MYH11: variants seen among roughly 807,000 people sequenced by gnomAD.
The protein encoded by MYH11 is myosin heavy chain 11.
MYH11 carries 80 observed loss-of-function variants against 246.6 expected under a neutral mutation model. That is an observed-to-expected ratio of 0.32 (90% confidence interval 0.27 to 0.39). The LOEUF (loss-of-function observed/expected upper bound fraction) is 0.39. Among genes scored for constraint, MYH11 ranks in the 10% least tolerant of loss-of-function variants. MYH11 has a pLI of 1.00. For synonymous variants in MYH11, 1,071 were observed against 1,015.5 expected (o/e 1.05, Z -1.04); for missense variants, 2,158 against 2,546.8 (o/e 0.85, Z 3.29).
chr16:15,718,155 T>C (rs2151200683), intron 37 of MYH11, 160 bp downstream of exon 37: 5 of 1,116,218 alleles, frequency 4.5e-6, no homozygotes, highest in South Asian at 1.3e-5. Context: ...TGGGCACTGG[T>C]GTAAGGGCCC....
rs2041525302 is a variant in MYH11, at chr16:15,750,117, G to A, written c.2058+21C>T. On this transcript the variant is annotated intron_variant, in intron 16 of 40. Transcript: ENST00000300036. This position sits in a 1 kb window ranked among gnomAD's most constrained non-coding sequence, Gnocchi z 4.3. ...CAGCCCTGGCTTCTGGGAGCCCCAG[G>A]GTCTGGGCGGCGGGCCTCACCCTCT... is the stretch of plus-strand genomic sequence containing the variant. 1 of 1,613,842 alleles carries A rather than the reference G, an allele frequency of 6.2e-7. No homozygotes were observed. Among genetic ancestry groups the A allele is most frequent in the African/African-American group, 1.3e-5 (1 of 75,052 alleles).
chr16:15,764,121 T>C (rs958989089), intron 9 of MYH11, among the ~76,000 whole-genome samples: 1 of 152,212 alleles, frequency 6.6e-6, no homozygotes, highest in Non-Finnish European at 1.5e-5. Flanking sequence ...TCTGGCCCAC[T>C]GCTTGCTATT....
rs375561409 is a variant in MYH11 at position 15,748,014 on chromosome 16, C to G, written c.2180+33G>C. 1.0e-4 allele frequency: 163 copies of G among 1,614,224 alleles called. No homozygotes were observed. The East Asian group carries it at 1.1e-3, about 11-fold the overall frequency. On this transcript the variant is annotated intron_variant, in intron 17 of 40. Coordinates refer to ENST00000300036, the MANE Select transcript of MYH11 (RefSeq NM_002474.3). Reference sequence around the variant, plus strand: ...TTCCTCCACCCAGTCCCGCTCACCCCCTGCCCTACCTGGGCCAGACCTTGG... The same window carrying G: ...TTCCTCCACCCAGTCCCGCTCACCCGCTGCCCTACCTGGGCCAGACCTTGG...
At chr16:15,797,249 C>T (rs1480256685) in intron 4 of MYH11, among the ~76,000 whole-genome samples, 1 of 152,176 alleles carries the variant, frequency 6.6e-6, no homozygotes, top group Non-Finnish European at 1.5e-5. Flanking sequence ...CCATCCATCA[C>T]CATCTGAAAT....
At chr16:15,845,086 G>A (rs940810832) in intron 1 of MYH11, among the ~76,000 whole-genome samples, 1 of 152,042 alleles carries the variant, frequency 6.6e-6, no homozygotes. Flanking sequence ...GCTTCTGGGT[G>A]ACTTACGTAG....
At chr16:15,800,111 G>T (rs538795563) in intron 3 of MYH11, among the ~76,000 whole-genome samples, 10 of 151,492 alleles carry the variant, frequency 6.6e-5, no homozygotes, top group African/African-American at 2.4e-4. Context: ...TGGATGGGCA[G>T]ATGGGTGGGA....
At chr16:15,709,715 A>C (rs2039671338) in intron 40 of MYH11, among the ~76,000 whole-genome samples, 1 of 152,224 alleles carries the variant, frequency 6.6e-6, no homozygotes, top group African/African-American at 2.4e-5. Flanking sequence ...AAGTAAAAGC[A>C]TTTGAGCAAG....
chr16:15,719,562 C>G (rs370703995), intron 35 of MYH11, 23 bp downstream of exon 35: 30 of 1,613,544 alleles, frequency 1.9e-5, no homozygotes, highest in Non-Finnish European at 2.2e-5. Context: ...ATCTGAGGCT[C>G]TCCTAGCAAG....
At chr16:15,747,498 G>A in intron 19 of MYH11, 72 bp downstream of exon 19, 1 of 1,582,500 alleles carries the variant, frequency 6.3e-7, no homozygotes, top group Non-Finnish European at 8.7e-7. Flanking sequence ...CTTAGAATCA[G>A]GGAATCAGAA....
At chr16:15,821,305 G>A (rs1393692829) in intron 3 of MYH11, among the ~76,000 whole-genome samples, 1 of 152,180 alleles carries the variant, frequency 6.6e-6, no homozygotes, top group Non-Finnish European at 1.5e-5. Flanking sequence ...TCTTCAGATA[G>A]TAAAAATTTC....
At chr16:15,824,261 A>G (rs1214876262) in intron 2 of MYH11, among the ~76,000 whole-genome samples, 1 of 151,574 alleles carries the variant, frequency 6.6e-6, no homozygotes, top group African/African-American at 2.4e-5. Context: ...AAGAGCAAGA[A>G]CAGAAGAGAA....
chr16:15,703,993 A>C lies in MYH11; in HGVS notation c.5917T>G (p.Ter1973GluextTer58), dbSNP rs1282723230. The C allele has an allele frequency of 1.2e-6, 2 of 1,613,908 alleles. No individual in the cohort carries two copies. The highest frequency in any genetic ancestry group is 1.7e-6 in the Non-Finnish European group (2 of 1,179,982). Residue 1973 changes from the stop codon to glutamate, a stop_lost, in exon 41 of 41, where the codon TAA becomes GAA. Transcript: ENST00000300036. ...GGTGCAAAACTGTAGAAAGTTGCTTATTCACTGGCCTTGGTTCCATTGAAG... is the reference window on the plus strand; with the variant it reads ...GGTGCAAAACTGTAGAAAGTTGCTTCTTCACTGGCCTTGGTTCCATTGAAG... ...ADFNGTKASE[*>E] is the part of the protein sequence containing the mutation.
chr16:15,732,221 C>T (rs542029193), intron 27 of MYH11, among the ~76,000 whole-genome samples: 1 of 152,248 alleles, frequency 6.6e-6, no homozygotes, highest in Non-Finnish European at 1.5e-5. Context: ...GTTTGGCCTC[C>T]CAAAGTGCTG....
At chr16:15,719,819 C>A in intron 34 of MYH11, 106 bp from the exon 35 acceptor site, 1 of 1,498,024 alleles carries the variant, frequency 6.7e-7, no homozygotes, top group Non-Finnish European at 9.2e-7. Context: ...TGCAGTTGAC[C>A]ACAAAGAAGT....
chr16:15,827,947 C>G (rs571337845), intron 2 of MYH11, among the ~76,000 whole-genome samples: 3 of 152,306 alleles, frequency 2.0e-5, no homozygotes, highest in Admixed American at 2.0e-4. Context: ...TCCTTCAGGC[C>G]TCGACTCCAT....
At chr16:15,763,297 A>T (rs901781393) in intron 10 of MYH11, among the ~76,000 whole-genome samples, 2 of 151,774 alleles carry the variant, frequency 1.3e-5, no homozygotes, top group African/African-American at 4.8e-5. Context: ...TTCCTGCTGT[A>T]TCCCAGTGGC....
chr16:15,722,810 G>C (rs2040554333), intron 31 of MYH11, among the ~76,000 whole-genome samples: 1 of 152,148 alleles, frequency 6.6e-6, no homozygotes, highest in South Asian at 2.1e-4. Flanking sequence ...GCGCAATCTT[G>C]GCTCACTGCA....
intron 3 of MYH11, among the ~76,000 whole-genome samples, chr16:15,801,107 G>A (rs547753986): frequency 6.6e-6 from 1 of 152,224 alleles, no homozygotes; most frequent in South Asian, 2.1e-4. Flanking sequence ...TCAGAAGGCT[G>A]AGGCAGGAAA....
intron 1 of MYH11, among the ~76,000 whole-genome samples, chr16:15,843,608 G>T (rs1293845778): frequency 6.6e-6 from 1 of 151,728 alleles, no homozygotes; most frequent in Non-Finnish European, 1.5e-5. Flanking sequence ...CAGGAGAATG[G>T]TGTGAACCTG....
Sources: gnomAD v4.1 joint callset for allele counts (sites outside exome capture counted in the v4.1 genomes callset) on GRCh38, gnomAD v4.1.1 for gene constraint, Gnocchi (gnomAD v3.1) non-coding constraint, MANE v1.5 for transcripts, NCBI Gene and HGNC (gene_info 2026-07-23, HGNC 2026-07-21) for gene names.